CDK3: variants seen among roughly 807,000 people sequenced by gnomAD.
CDK3 encodes cyclin-dependent kinase 3.
In CDK3, 24 loss-of-function variants were observed where a neutral mutation model predicts 30.2. That is an observed-to-expected ratio of 0.79 (90% CI 0.57 to 1.12). The LOEUF is 1.12. Among genes scored for constraint, CDK3 ranks in the 50% most tolerant of loss-of-function variants. The probability of loss-of-function intolerance (pLI) is 0.00; values close to 1 mark genes in which losing one functional copy is unlikely to be tolerated. For synonymous variants in CDK3, 158 were observed against 154.2 expected (o/e 1.02, Z -0.18); for missense variants, 345 against 376.0 (o/e 0.92, Z 0.68).
In CDK3 at chr17:76,002,721, G is replaced by A. The variant is rs1005565373; in HGVS notation, c.588+109G>A. The A allele has an allele frequency of 7.3e-6, 5 of 683,736 alleles. No homozygotes were observed. The highest frequency in any genetic ancestry group is 1.3e-5 in the Non-Finnish European group (5 of 373,808). 42.4% of individuals were successfully genotyped at this position (683,736 alleles called of 1,614,324 possible). On this transcript the variant is annotated intron_variant, in intron 6 of 7. Transcript: ENST00000448471. This position sits in a 1 kb window ranked among gnomAD's most constrained non-coding sequence, Gnocchi z 4.3. ...CGAGGCGGATTAAAGAGTGTTTGGG[G>A]CTGGACATGGCTCACGCCCGTAATC...
Position 76,002,146 on chromosome 17 carries a change from G to A in CDK3, c.315+4G>A. The A allele has an allele frequency of 6.2e-7, 1 of 1,613,942 alleles. No individual in the cohort carries two copies. The highest frequency in any genetic ancestry group is 1.7e-5 in the Admixed American group (1 of 60,002). ...GCTCCCCCTGCACCTCATCAAGGTA[G>A]GGAAGGAAGGGCAGGGAAGGAGAGG... On this transcript the variant is annotated splice_donor_region_variant and intron_variant, in intron 4 of 7. Coordinates refer to ENST00000448471, the MANE Select transcript of CDK3 (RefSeq NM_001258.4). This position sits in a 1 kb window ranked among gnomAD's most constrained non-coding sequence, Gnocchi z 4.3.
Position 76,003,112 on chromosome 17 carries a change from C to T in CDK3, c.589-83C>T. 6 of 1,138,360 alleles carry T rather than the reference C, an allele frequency of 5.3e-6. No individual in the cohort carries two copies. In the Admixed American group the frequency reaches 7.3e-5, roughly 14 times the overall value. 70.5% of individuals were successfully genotyped at this position (1,138,360 alleles called of 1,614,324 possible). On this transcript the variant is annotated intron_variant, in intron 6 of 7. Transcript: ENST00000448471. ...GGAAAAGATATCTTGACAGGCCTCT[C>T]CCTGGGTCTGGCCACTTATCTGGTA...
In CDK3 at chr17:76,005,594, G is replaced by C; in HGVS notation, c.*171G>C. 1 of 767,734 alleles carries C rather than the reference G, an allele frequency of 1.3e-6. No individual in the cohort carries two copies. The highest frequency in any genetic ancestry group is 3.9e-4 in the Middle Eastern group (1 of 2,584). The allele number at this position is 767,734 out of a possible 1,614,324, so 47.6% of individuals were successfully genotyped here. On this transcript the variant is annotated 3_prime_UTR_variant, in exon 8 of 8. Coordinates refer to ENST00000448471, the MANE Select transcript of CDK3 (RefSeq NM_001258.4). The surrounding 1 kb of genome is among the most constrained non-coding windows in gnomAD (Gnocchi z 4.7). The stretch of plus-strand genomic sequence containing the variant: ...CCTGCCCGCAGGTTAGCGAGATCCT[G>C]TGTTGTTTTTTGGGTTGGACGGTGC...
chr17:76,001,235 G>A lies in CDK3; in HGVS notation c.-14-177G>A, dbSNP rs904226852. 1.2e-5 allele frequency: 18 copies of A among 1,457,116 alleles called. No individual in the cohort carries two copies. The highest frequency in any genetic ancestry group is 9.0e-5 in the Admixed American group (4 of 44,678). The allele number at this position is 1,457,116 out of a possible 1,614,324, so 90.3% of individuals were successfully genotyped here. A position where few individuals can be genotyped will look rare whatever the true frequency, so the allele number is the denominator to read the frequency against. On this transcript the variant is annotated intron_variant, in intron 1 of 7. Transcript: ENST00000448471. This position sits in a 1 kb window ranked among gnomAD's most constrained non-coding sequence, Gnocchi z 6.2. ...CTGGGCTGGGTGAGGGGCGGTTTCC[G>A]ACCCCCAGCCAGGTTCCCAGGCAGG...
Position 76,000,969 on chromosome 17 carries a change from T to G in CDK3, c.-15+2T>G. The G allele has an allele frequency of 9.3e-7, 1 of 1,074,086 alleles. No homozygotes were observed. The highest frequency in any genetic ancestry group is 1.1e-6 in the Non-Finnish European group (1 of 882,168). The allele number at this position is 1,074,086 out of a possible 1,614,324, so 66.5% of individuals were successfully genotyped here. ...TGGCTGGGCTGGGCAGTGACCCAGG[T>G]GGGAAAGGGTGGTCTTGCCCTCTAA... On this transcript the variant is annotated splice_donor_variant, in intron 1 of 7. Transcript: ENST00000448471. LOFTEE classifies it low-confidence loss of function (5UTR_SPLICE). This position sits in a 1 kb window ranked among gnomAD's most constrained non-coding sequence, Gnocchi z 5.9.
In CDK3 at chr17:76,005,092, G is replaced by A. The variant is rs1029034687; in HGVS notation, c.793-206G>A. On this transcript the variant is annotated intron_variant, in intron 7 of 7. Transcript: ENST00000448471. The surrounding 1 kb of genome is among the most constrained non-coding windows in gnomAD (Gnocchi z 4.7). ...GGGTGACTCAGCTTCAGTGGCCTGA[G>A]GAGACCTGGGTGACTCGTTAGGACT... Among the ~76,000 whole-genome samples the A allele has an allele frequency of 1.3e-5, 2 of 152,156 alleles. No individual in the cohort carries two copies. Among genetic ancestry groups the A allele is most frequent in the African/African-American group, 4.8e-5 (2 of 41,436 alleles).
Position 76,001,669 on chromosome 17 carries a change from G to A in CDK3, c.116+128G>A, listed in dbSNP as rs2066260600. 2.2e-6 allele frequency: 2 copies of A among 907,258 alleles called. No homozygotes were observed. The highest frequency in any genetic ancestry group is 3.4e-6 in the Non-Finnish European group (2 of 593,422). 56.2% of individuals were successfully genotyped at this position (907,258 alleles called of 1,614,324 possible). A position where few individuals can be genotyped will look rare whatever the true frequency, so the allele number is the denominator to read the frequency against. On this transcript the variant is annotated intron_variant, in intron 2 of 7. Transcript: ENST00000448471. This position sits in a 1 kb window ranked among gnomAD's most constrained non-coding sequence, Gnocchi z 6.2. ...GGGTGCTGCCCAGCAGCCCTTACCTGTCCTCTCCCCAGTTCACTGCCTTCT... is the reference window on the plus strand; with the variant it reads ...GGGTGCTGCCCAGCAGCCCTTACCTATCCTCTCCCCAGTTCACTGCCTTCT...
At position 76,005,721 on chromosome 17, in the gene CDK3, G is replaced by A. The variant is rs1027430702; in HGVS notation, c.*298G>A. The A allele has an allele frequency of 6.0e-6, 2 of 331,594 alleles. No homozygotes were observed. Among genetic ancestry groups the A allele is most frequent in the Admixed American group, 4.7e-5 (1 of 21,466 alleles). The allele number at this position is 331,594 out of a possible 1,614,324, so 20.5% of individuals were successfully genotyped here. On this transcript the variant is annotated 3_prime_UTR_variant, in exon 8 of 8. Transcript: ENST00000448471. The surrounding 1 kb of genome is among the most constrained non-coding windows in gnomAD (Gnocchi z 4.7). ...GGGGGCCTGCCAGAGCTGGGTGTGGGTATTCAGGCCCTCACCTGCCCTGCC... is the reference window on the plus strand; with the variant it reads ...GGGGGCCTGCCAGAGCTGGGTGTGGATATTCAGGCCCTCACCTGCCCTGCC...
chr17:76,004,902 T>A (rs2066297912), intron 7 of CDK3, among the ~76,000 whole-genome samples: 1 of 152,166 alleles, frequency 6.6e-6, no homozygotes, highest in Admixed American at 6.5e-5. Context: ...TTAGGGACTC[T>A]AGGGCAGAGG....
In CDK3 at chr17:76,005,410, G is replaced by A. The variant is rs377317846; in HGVS notation, c.905G>A (p.Arg302Gln). ...GCTGCCCGCCAGTATGTGCTGCAGC[G>A]ATTCCGCCATTGAGAATGTCAAGGC... Reference protein sequence around the residue: ...SPAARQYVLQRFRH With the variant: ...SPAARQYVLQQFRH The change falls in exon 8 of 8, where the codon CGA (arginine) becomes CAA (glutamine). Residue 302 changes from arginine (R) to glutamine (Q), a missense_variant. Coordinates refer to ENST00000448471, the MANE Select transcript of CDK3 (RefSeq NM_001258.4). The surrounding 1 kb of genome is among the most constrained non-coding windows in gnomAD (Gnocchi z 4.7). 3.1e-6 allele frequency: 5 copies of A among 1,613,024 alleles called. No homozygotes were observed. The highest frequency in any genetic ancestry group is 2.2e-5 in the East Asian group (1 of 44,868).
chr17:76,005,421 T>C lies in CDK3; in HGVS notation c.916T>C (p.Ter306ArgextTer48), dbSNP rs1323287407. The change falls in exon 8 of 8, where the codon TGA becomes CGA. Residue 306 changes from the stop codon to arginine, a stop_lost. Transcript: ENST00000448471. The surrounding 1 kb of genome is among the most constrained non-coding windows in gnomAD (Gnocchi z 4.7). ...GTATGTGCTGCAGCGATTCCGCCAT[T>C]GAGAATGTCAAGGCCACACTCAGAT... ...RQYVLQRFRH[*>R] 6.2e-7 allele frequency: 1 copy of C among 1,612,742 alleles called. No homozygotes were observed.
In CDK3 at chr17:76,005,342, T is replaced by C. The variant is rs753034211; in HGVS notation, c.837T>C (p.Thr279=). ...CCAGCCAGCGGATCACAGCCAAGAC[T>C]GCCCTGGCCCACCCGTACTTCTCAT... ...YDPSQRITAK[T]ALAHPYFSSP... The change falls in exon 8 of 8, where the codon ACT becomes ACC. Residue 279 remains threonine (T), a synonymous_variant. Coordinates refer to ENST00000448471, the MANE Select transcript of CDK3 (RefSeq NM_001258.4). This position sits in a 1 kb window ranked among gnomAD's most constrained non-coding sequence, Gnocchi z 4.7. 38 of 1,614,022 alleles carry C rather than the reference T, an allele frequency of 2.4e-5. No individual in the cohort carries two copies. Among genetic ancestry groups the C allele is most frequent in the Non-Finnish European group, 3.2e-5 (38 of 1,180,010 alleles).
Position 76,003,218 on chromosome 17 carries a change from T to C in CDK3, c.612T>C (p.Pro204=). 1 of 1,614,208 alleles carries C rather than the reference T, an allele frequency of 6.2e-7. No individual in the cohort carries two copies. The highest frequency in any genetic ancestry group is 8.5e-7 in the Non-Finnish European group (1 of 1,180,042). Residue 204 remains proline (P), a synonymous_variant, in exon 7 of 8, where the codon CCT becomes CCC. Coordinates refer to ENST00000448471, the MANE Select transcript of CDK3 (RefSeq NM_001258.4). The part of the protein sequence containing the change: ...AEMVTRKALF[P]GDSEIDQLFR... ...AGGTGACTCGAAAAGCCCTGTTTCCTGGTGACTCTGAGATTGACCAGCTCT... is the reference window on the plus strand; with the variant it reads ...AGGTGACTCGAAAAGCCCTGTTTCCCGGTGACTCTGAGATTGACCAGCTCT...
At position 76,002,600 on chromosome 17, in the gene CDK3, C is replaced by T. The variant is rs542699103; in HGVS notation, c.576C>T (p.Ile192=). ...TAVDIWSIGC[I]FAEMVTRKAL... ...TGGATATCTGGAGCATTGGTTGCAT[C>T]TTTGCAGAGATGGTAGAGAGAGGGG... The change falls in exon 6 of 8, where the codon ATC becomes ATT. Residue 192 remains isoleucine (I), a synonymous_variant. Coordinates refer to ENST00000448471, the MANE Select transcript of CDK3 (RefSeq NM_001258.4). This position sits in a 1 kb window ranked among gnomAD's most constrained non-coding sequence, Gnocchi z 4.3. 4.8e-6 allele frequency: 4 copies of T among 832,286 alleles called. No homozygotes were observed. The East Asian group carries it at 9.6e-5, about 20-fold the overall frequency. The allele number at this position is 832,286 out of a possible 1,614,324, so 51.6% of individuals were successfully genotyped here.
Position 76,000,891 on chromosome 17 carries a change from C to T in CDK3, c.-91C>T. The T allele has an allele frequency of 9.5e-7, 1 of 1,054,484 alleles. No individual in the cohort carries two copies. Among genetic ancestry groups the T allele is most frequent in the Non-Finnish European group, 1.1e-6 (1 of 871,602 alleles). The allele number at this position is 1,054,484 out of a possible 1,614,324, so 65.3% of individuals were successfully genotyped here. On this transcript the variant is annotated 5_prime_UTR_variant, in exon 1 of 8. Coordinates refer to ENST00000448471, the MANE Select transcript of CDK3 (RefSeq NM_001258.4). The surrounding 1 kb of genome is among the most constrained non-coding windows in gnomAD (Gnocchi z 5.9). The stretch of plus-strand genomic sequence containing the variant: ...ACCCCTGACCTCTGCCCCCAGTGGC[C>T]CTGGCCCCTGGGCAGCCCTTCCTGG...
rs1281183759 is a variant in CDK3, at chr17:76,001,608, G to A, written c.116+67G>A. The stretch of plus-strand genomic sequence containing the variant: ...TCACAACCTGGGCGCTCCCTGATCC[G>A]TTCCCTCTTTCCTGGAGTCCACGTT... On this transcript the variant is annotated intron_variant, in intron 2 of 7. Coordinates refer to ENST00000448471, the MANE Select transcript of CDK3 (RefSeq NM_001258.4). This position sits in a 1 kb window ranked among gnomAD's most constrained non-coding sequence, Gnocchi z 6.2. 1.6e-5 allele frequency: 21 copies of A among 1,350,832 alleles called. No homozygotes were observed. The highest frequency in any genetic ancestry group is 2.5e-5 in the South Asian group (2 of 79,864). 83.7% of individuals were successfully genotyped at this position (1,350,832 alleles called of 1,614,324 possible). A position where few individuals can be genotyped will look rare whatever the true frequency, so the allele number is the denominator to read the frequency against.
chr17:76,001,335 G>A lies in CDK3; in HGVS notation c.-14-77G>A. On this transcript the variant is annotated intron_variant, in intron 1 of 7. Coordinates refer to ENST00000448471, the MANE Select transcript of CDK3 (RefSeq NM_001258.4). This position sits in a 1 kb window ranked among gnomAD's most constrained non-coding sequence, Gnocchi z 6.2. ...TCTGGGCTGGGCTGGGCTGGGCAGGGCGCCACATGGAAGCTGGAGGAGCAA... is the reference window on the plus strand; with the variant it reads ...TCTGGGCTGGGCTGGGCTGGGCAGGACGCCACATGGAAGCTGGAGGAGCAA... 1 of 1,587,200 alleles carries A rather than the reference G, an allele frequency of 6.3e-7. No homozygotes were observed. The highest frequency in any genetic ancestry group is 8.6e-7 in the Non-Finnish European group (1 of 1,168,698).
rs767964507 is a variant in CDK3 at position 76,002,097 on chromosome 17, C to T, written c.270C>T (p.Tyr90=). 3.1e-6 allele frequency: 5 copies of T among 1,613,880 alleles called. No homozygotes were observed. The East Asian group carries it at 6.7e-5, about 22-fold the overall frequency. ...TCCTCAGCCAGGACCTGAAGAAGTA[C>T]ATGGACTCCACCCCAGGCTCAGAGC... The part of the protein sequence containing the change: ...FEFLSQDLKK[Y]MDSTPGSELP... Residue 90 remains tyrosine (Y), a synonymous_variant, in exon 4 of 8, where the codon TAC becomes TAT. Coordinates refer to ENST00000448471, the MANE Select transcript of CDK3 (RefSeq NM_001258.4). This position sits in a 1 kb window ranked among gnomAD's most constrained non-coding sequence, Gnocchi z 4.3.
At position 76,001,372 on chromosome 17, in the gene CDK3, G is replaced by C. The variant is rs1035042555; in HGVS notation, c.-14-40G>C. 6.2e-7 allele frequency: 1 copy of C among 1,612,634 alleles called. No individual in the cohort carries two copies. The highest frequency in any genetic ancestry group is 8.5e-7 in the Non-Finnish European group (1 of 1,179,490). Reference sequence around the variant, plus strand: ...AGCTGGAGGAGCAACGGGAGCGCTGGGCGTGGGGTGCAAATTGCCCGGTGC... The same window carrying C: ...AGCTGGAGGAGCAACGGGAGCGCTGCGCGTGGGGTGCAAATTGCCCGGTGC... On this transcript the variant is annotated intron_variant, in intron 1 of 7. Transcript: ENST00000448471. This position sits in a 1 kb window ranked among gnomAD's most constrained non-coding sequence, Gnocchi z 6.2.
Sources: allele counts gnomAD v4.1 joint callset (sites outside exome capture counted in the v4.1 genomes callset), GRCh38; gene constraint gnomAD v4.1.1; non-coding constraint Gnocchi (gnomAD v3.1); transcripts MANE v1.5; gene names NCBI Gene and HGNC (gene_info 2026-07-23, HGNC 2026-07-21).